COL28A1: variants seen among roughly 807,000 people sequenced by gnomAD.
The protein encoded by COL28A1 is collagen type XXVIII alpha 1 chain, also known as collagen alpha-1(XXVIII) chain.
In COL28A1, 161 loss-of-function variants were observed where a neutral mutation model predicts 150.2. That is an observed-to-expected ratio of 1.07 (90% CI 0.94 to 1.22). The LOEUF is 1.22. Ranked by LOEUF, COL28A1 falls within the 50% of genes most tolerant of loss-of-function variation. The probability of loss-of-function intolerance (pLI) is 0.00; values close to 1 mark genes in which losing one functional copy is unlikely to be tolerated. For missense variants in COL28A1, 1,617 were observed against 1,388.3 expected (o/e 1.16, Z -2.62); for synonymous variants, 552 against 469.7 (o/e 1.18, Z -2.26).
At chr7:7,424,207 T>C (rs577929277) in intron 25 of COL28A1, among the ~76,000 whole-genome samples, 2 of 152,226 alleles carry the variant, frequency 1.3e-5, no homozygotes, top group Non-Finnish European at 2.9e-5. Flanking sequence ...TCAGTGTATA[T>C]GTACCATACT....
At chr7:7,437,557 A>C in intron 21 of COL28A1, 95 bp from the exon 22 acceptor site, 1 of 1,471,232 alleles carries the variant, frequency 6.8e-7, no homozygotes, top group Non-Finnish European at 9.0e-7. Flanking sequence ...CAGATTTTTA[A>C]ATTATGTTAT....
At position 7,443,642 on chromosome 7, in the gene COL28A1, C is replaced by A. The variant is rs899175257; in HGVS notation, c.1593G>T (p.Gly531=). Residue 531 remains glycine, a synonymous_variant, in exon 20 of 35, where the codon GGG becomes GGT. Transcript: ENST00000399429. ...DGAAGKKGEA[G]LPGARGPEGP... The stretch of plus-strand genomic sequence containing the variant: ...CTTCTGGGCCTCTTGCTCCCGGAAG[C>A]CCCGCTTCTCCCTAGAGAAAATGAC... 3.7e-6 allele frequency: 6 copies of A among 1,614,042 alleles called. No individual in the cohort carries two copies. The highest frequency in any genetic ancestry group is 1.7e-5 in the Admixed American group (1 of 60,006).
chr7:7,370,810 G>T lies in COL28A1; in HGVS notation c.2981C>A (p.Ser994Ter). 2 of 1,613,506 alleles carry T rather than the reference G, an allele frequency of 1.2e-6. No individual in the cohort carries two copies. Among genetic ancestry groups the T allele is most frequent in the African/African-American group, 2.7e-5 (2 of 74,980 alleles). Residue 994 changes from serine to a stop codon, truncating the protein, a stop_gained, in exon 33 of 35, where the codon TCA becomes TAA. Transcript: ENST00000399429. LOFTEE classifies it high-confidence loss of function. ...FDSYLVQIFGSSSPQPGFGMS... is the reference protein window; with the variant it reads ...FDSYLVQIFG The stretch of plus-strand genomic sequence containing the variant: ...CCCAAATCCAGGTTGAGGTGACGAT[G>T]AACCAAAAATTTGAACGAGATAGGA...
chr7:7,425,081 TAAATAA>T (rs1784585377), intron 25 of COL28A1, among the ~76,000 whole-genome samples: 1 of 151,720 alleles, frequency 6.6e-6, no homozygotes, highest in Non-Finnish European at 1.5e-5. Context: ...TAATAAATAA[TAAATAA>T]AAATAATACT....
upstream of COL28A1, among the ~76,000 whole-genome samples, chr7:7,539,175 T>A (rs1782743787): frequency 1.3e-5 from 2 of 152,176 alleles, no homozygotes; most frequent in Admixed American, 1.3e-4. Flanking sequence ...TACCTAAGGC[T>A]GAGTAATCTA....
At chr7:7,424,935 ACAT>A (rs1243929296) in intron 25 of COL28A1, among the ~76,000 whole-genome samples, 1 of 152,172 alleles carries the variant, frequency 6.6e-6, no homozygotes, top group African/African-American at 2.4e-5. Context: ...TTAAAAATAC[ACAT>A]CATCTTATGA....
intron 20 of COL28A1, among the ~76,000 whole-genome samples, chr7:7,442,485 C>T (rs560990100): frequency 1.2e-3 from 182 of 152,226 alleles, no homozygotes; most frequent in Admixed American, 3.1e-3. Flanking sequence ...ATGTTATCCC[C>T]TCCACCTCAC....
intron 3 of COL28A1, among the ~76,000 whole-genome samples, chr7:7,525,247 T>G (rs1781957900): frequency 6.6e-6 from 1 of 152,244 alleles, no homozygotes; most frequent in Non-Finnish European, 1.5e-5. Flanking sequence ...CTTCAGTGCA[T>G]GTCATATGTA....
At chr7:7,406,677 C>A (rs1398119405) in intron 27 of COL28A1, among the ~76,000 whole-genome samples, 1 of 151,968 alleles carries the variant, frequency 6.6e-6, no homozygotes, top group Non-Finnish European at 1.5e-5. Context: ...AGGAACCAGC[C>A]ATGTCAAATG....
intron 11 of COL28A1, among the ~76,000 whole-genome samples, chr7:7,494,712 G>A (rs957182589): frequency 2.6e-5 from 4 of 152,200 alleles, no homozygotes; most frequent in African/African-American, 9.7e-5. Flanking sequence ...CTTTGCAGAA[G>A]CTTACAATCT....
chr7:7,338,486 C>T, the COL28A1 span, among the ~76,000 whole-genome samples: 1 of 152,010 alleles, frequency 6.6e-6, no homozygotes, highest in African/African-American at 2.4e-5. Context: ...TGATTTGGCT[C>T]TCAGCTTGAA....
chr7:7,478,391 A>G (rs1419552097), intron 13 of COL28A1, among the ~76,000 whole-genome samples: 3 of 152,220 alleles, frequency 2.0e-5, no homozygotes, highest in Non-Finnish European at 4.4e-5. Context: ...CTTGAGCTAG[A>G]TACAGAGTGC....
intron 15 of COL28A1, among the ~76,000 whole-genome samples, chr7:7,468,493 G>A (rs1788206874): frequency 8.8e-6 from 1 of 113,962 alleles, no homozygotes; most frequent in Non-Finnish European, 1.7e-5. Flanking sequence ...AAGAGTCCAG[G>A]ACCAGATGGA....
intron 13 of COL28A1, among the ~76,000 whole-genome samples, chr7:7,487,180 A>G (rs10486166): frequency 0.1 from 15,358 of 151,408 alleles, 922 homozygotes; most frequent in Middle Eastern, 0.21. Flanking sequence ...AAGAACGACA[A>G]TGAATAAGTG....
At chr7:7,528,976 A>C (rs758768573) in intron 3 of COL28A1, among the ~76,000 whole-genome samples, 4 of 152,162 alleles carry the variant, frequency 2.6e-5, no homozygotes, top group Non-Finnish European at 4.4e-5. Context: ...GAAAGGGATT[A>C]GATAAAGAAT....
chr7:7,418,842 G>A (rs908933973), intron 26 of COL28A1, among the ~76,000 whole-genome samples: 1 of 152,200 alleles, frequency 6.6e-6, no homozygotes, highest in South Asian at 2.1e-4. Flanking sequence ...ATCTTGGGGG[G>A]ATCTTCATCC....
Position 7,477,111 on chromosome 7 carries a change from C to T in COL28A1, c.1233+1G>A. 8.7e-7 allele frequency: 1 copy of T among 1,144,444 alleles called. No individual in the cohort carries two copies. Among genetic ancestry groups the T allele is most frequent in the Non-Finnish European group, 1.3e-6 (1 of 750,076 alleles). The allele number at this position is 1,144,444 out of a possible 1,614,324, so 70.9% of individuals were successfully genotyped here. ...TTTCCTGGTACAGAAGGTATTGTTA[C>T]CTTTGGTCCTGGAAATCCTTCTCCG... On this transcript the variant is annotated splice_donor_variant, in intron 14 of 34. Coordinates refer to ENST00000399429, the MANE Select transcript of COL28A1 (RefSeq NM_001037763.3). LOFTEE classifies it high-confidence loss of function.
chr7:7,358,857 T>C (rs780123869), intron 34 of COL28A1, 52 bp from the exon 35 acceptor site: 5 of 1,443,402 alleles, frequency 3.5e-6, no homozygotes, highest in Admixed American at 2.1e-5. Flanking sequence ...ACTGAAGACA[T>C]GAAAAATAAA....
At chr7:7,447,008 C>T (rs892791859) in intron 18 of COL28A1, among the ~76,000 whole-genome samples, 1 of 152,142 alleles carries the variant, frequency 6.6e-6, no homozygotes, top group Non-Finnish European at 1.5e-5. Context: ...AGAGAACTGA[C>T]ATTGAACCAG....
Sources: allele counts gnomAD v4.1 joint callset (sites outside exome capture counted in the v4.1 genomes callset), GRCh38; gene constraint gnomAD v4.1.1; transcripts MANE v1.5; gene names NCBI Gene and HGNC (gene_info 2026-07-23, HGNC 2026-07-21).